PYGB: variants seen among roughly 807,000 people sequenced by gnomAD.
PYGB encodes glycogen phosphorylase, brain form.
In PYGB, 82 loss-of-function variants were observed where a neutral mutation model predicts 94.3. The ratio of observed to expected loss-of-function variants is 0.87; its 90% confidence interval spans 0.73 to 1.04. The LOEUF (loss-of-function observed/expected upper bound fraction) is 1.04, where lower values mean the gene tolerates loss of function less well. Among genes scored for constraint, PYGB ranks in the 50% least tolerant of loss-of-function variants. The pLI, the probability that PYGB is intolerant of heterozygous loss-of-function variation, is 0.00. For missense variants in PYGB, 1,132 were observed against 1,158.2 expected (o/e 0.98, Z 0.33); for synonymous variants, 488 against 479.1 (o/e 1.02, Z -0.24).
At chr20:25,270,048 A>G (rs546329948) in intron 3 of PYGB, among the ~76,000 whole-genome samples, 2 of 152,188 alleles carry the variant, frequency 1.3e-5, no homozygotes, top group South Asian at 4.1e-4. Flanking sequence ...GAGTCCCCAG[A>G]ACAAGAGTCC....
At chr20:25,258,137 T>TTG (rs1373745007) in intron 1 of PYGB, among the ~76,000 whole-genome samples, 7 of 152,076 alleles carry the variant, frequency 4.6e-5, no homozygotes, top group Non-Finnish European at 1.0e-4. Flanking sequence ...GAGCTATCAT[T>TTG]TGTGTGTGTG....
chr20:25,274,501 G>A, intron 4 of PYGB, 91 bp from the exon 5 acceptor site: 1 of 1,497,044 alleles, frequency 6.7e-7, no homozygotes, highest in Non-Finnish European at 8.9e-7. Context: ...GGCACTGTGT[G>A]ATCTCGACCG....
At chr20:25,249,629 T>TG (rs2123501471) in intron 1 of PYGB, among the ~76,000 whole-genome samples, 1 of 152,378 alleles carries the variant, frequency 6.6e-6, no homozygotes, top group East Asian at 1.9e-4. Context: ...AAACTTATTC[T>TG]GGGACATTCT....
chr20:25,251,332 C>CTG (rs1320784977), intron 1 of PYGB: 1 of 152,246 alleles, frequency 6.6e-6, no homozygotes, highest in Non-Finnish European at 1.5e-5. Context: ...GTCTGTGCAA[C>CTG]TGTGGGCTTG....
intron 1 of PYGB, among the ~76,000 whole-genome samples, chr20:25,252,174 T>C (rs957648586): frequency 3.3e-5 from 5 of 152,322 alleles, no homozygotes; most frequent in South Asian, 2.1e-4. Flanking sequence ...GGGTGCTGTT[T>C]TGTGTTGCTG....
chr20:25,259,962 G>GGT (rs1298975627), intron 2 of PYGB, among the ~76,000 whole-genome samples: 3 of 152,176 alleles, frequency 2.0e-5, no homozygotes, highest in Non-Finnish European at 4.4e-5. Flanking sequence ...GTGCCTTCAT[G>GGT]GTGGGGCCCC....
In PYGB at chr20:25,290,572, G is replaced by A. The variant is rs759661494; in HGVS notation, c.1919G>A (p.Arg640Lys). 1.2e-6 allele frequency: 2 copies of A among 1,610,022 alleles called. No homozygotes were observed. The highest frequency in any genetic ancestry group is 8.5e-7 in the Non-Finnish European group (1 of 1,176,420). The change falls in exon 16 of 20, where the codon AGG (arginine) becomes AAG (lysine). Residue 640 changes from arginine to lysine, a missense_variant. Transcript: ENST00000216962. ...AATCATGACCCAGTTGTGGGTGACA[G>A]GTTGAAAGTGATCTTCCTGGAGAAC... The part of the protein sequence containing the change: ...VVNHDPVVGD[R>K]LKVIFLENYR...
At chr20:25,268,167 C>G (rs200349048) in intron 2 of PYGB, among the ~76,000 whole-genome samples, 1 of 94,922 alleles carries the variant, frequency 1.1e-5, no homozygotes, top group African/African-American at 3.8e-5. Context: ...ACCCGCCCCC[C>G]CCCCATATCC....
At chr20:25,290,130 TCCAGTGTGTC>T (rs1044833506) in intron 15 of PYGB, among the ~76,000 whole-genome samples, 10 of 152,210 alleles carry the variant, frequency 6.6e-5, no homozygotes, top group African/African-American at 2.4e-4. Flanking sequence ...AATGTGTCCC[TCCAGTGTGTC>T]CCAGTATGTC....
intron 14 of PYGB, among the ~76,000 whole-genome samples, chr20:25,284,614 C>T (rs1165469741): frequency 6.6e-6 from 1 of 152,202 alleles, no homozygotes; most frequent in Non-Finnish European, 1.5e-5. Context: ...TTTGTAGAGA[C>T]AGGGTTTCAC....
chr20:25,249,655 GA>G (rs748956045), intron 1 of PYGB, among the ~76,000 whole-genome samples: 2 of 152,218 alleles, frequency 1.3e-5, no homozygotes, highest in Non-Finnish European at 2.9e-5. Context: ...CTAAAATGGA[GA>G]TGGTAAAAGG....
intron 12 of PYGB, among the ~76,000 whole-genome samples, 195 bp downstream of exon 12, chr20:25,282,342 G>A (rs771734050): frequency 2.0e-5 from 3 of 152,236 alleles, no homozygotes; most frequent in Admixed American, 6.5e-5. Context: ...TGGGCCTGGC[G>A]GGTCCTGTGT....
chr20:25,295,539 C>T (rs941542983), intron 18 of PYGB, 65 bp from the exon 19 acceptor site: 10 of 1,538,214 alleles, frequency 6.5e-6, no homozygotes, highest in Non-Finnish European at 9.0e-6. Flanking sequence ...CTGGGACTCT[C>T]CCCTCGGGAC....
At chr20:25,283,077 A>T in intron 12 of PYGB, 99 bp from the exon 13 acceptor site, 1 of 1,003,338 alleles carries the variant, frequency 1.0e-6, no homozygotes, top group South Asian at 1.4e-5. Context: ...CCCAGGGGAA[A>T]GCAGGGGCGT....
intron 13 of PYGB, 119 bp from the exon 14 acceptor site, chr20:25,283,985 G>A: frequency 4.8e-6 from 6 of 1,253,304 alleles, no homozygotes; most frequent in South Asian, 2.8e-5. Flanking sequence ...GCTCCAGCCT[G>A]TATACCCCTG....
rs561450209 is a variant in PYGB at position 25,259,933 on chromosome 20, T to C, written c.345+595T>C. Reference sequence around the variant, plus strand: ...CAGCTGAGTCTCTAGAGTATAACCTTTTACCTGCGCATAGATGGGTGCCTT... The same window carrying C: ...CAGCTGAGTCTCTAGAGTATAACCTCTTACCTGCGCATAGATGGGTGCCTT... On this transcript the variant is annotated intron_variant, in intron 2 of 19. Coordinates refer to ENST00000216962, the MANE Select transcript of PYGB (RefSeq NM_002862.4). Among the ~76,000 whole-genome samples, 3 of 152,290 alleles carry C rather than the reference T, an allele frequency of 2.0e-5. No homozygotes were observed. The East Asian group carries it at 5.8e-4, about 29-fold the overall frequency.
chr20:25,295,518 G>A, intron 18 of PYGB, 86 bp from the exon 19 acceptor site: 1 of 1,453,596 alleles, frequency 6.9e-7, no homozygotes, highest in Non-Finnish European at 9.6e-7. Context: ...GATGGTGCCT[G>A]GCCTCCTGCC....
chr20:25,290,484 G>T lies in PYGB; in HGVS notation c.1831G>T (p.Ala611Ser). The change falls in exon 16 of 20, where the codon GCG becomes TCG. Residue 611 changes from alanine to serine, a missense_variant. Physicochemically the swap from Ala to Ser is moderately conservative, Grantham distance 99 (BLOSUM62 1). Coordinates refer to ENST00000216962, the MANE Select transcript of PYGB (RefSeq NM_002862.4). ...AACCTTCACCCTCTCCTTCCAGGCA[G>T]CGCCCGGTTACCACATGGCCAAGCT... is the stretch of plus-strand genomic sequence containing the variant. ...PRTVMIGGKA[A>S]PGYHMAKLII... 6.2e-7 allele frequency: 1 copy of T among 1,604,160 alleles called. No homozygotes were observed. Among genetic ancestry groups the T allele is most frequent in the Non-Finnish European group, 8.5e-7 (1 of 1,171,394 alleles).
intron 1 of PYGB, among the ~76,000 whole-genome samples, chr20:25,258,759 C>T (rs868044814): frequency 6.6e-5 from 10 of 152,262 alleles, no homozygotes; most frequent in Non-Finnish European, 8.8e-5. Context: ...GTCTGTGCTG[C>T]GTTCATTGGT....
Sources: allele counts gnomAD v4.1 joint callset (sites outside exome capture counted in the v4.1 genomes callset), GRCh38; gene constraint gnomAD v4.1.1; transcripts MANE v1.5; gene names NCBI Gene and HGNC (gene_info 2026-07-23, HGNC 2026-07-21).